Variants in TEF observed in about 807,000 individuals in gnomAD.
TEF encodes thyrotroph embryonic factor.
In TEF, 3 loss-of-function variants were observed where a neutral mutation model predicts 20.8. That is an observed-to-expected ratio of 0.14 (90% CI 0.07 to 0.37). The LOEUF (loss-of-function observed/expected upper bound fraction) is 0.37. Ranked by LOEUF, TEF falls within the 10% of genes least tolerant of loss-of-function variation. TEF has a pLI of 1.00. For missense variants in TEF, 296 were observed against 397.9 expected, an observed-to-expected ratio of 0.74 and a Z score of 2.18; for synonymous variants, 180 against 171.1, an observed-to-expected ratio of 1.05 and a Z score of -0.41.
chr22:41,386,327 G>C (rs1030068515), intron 1 of TEF, among the ~76,000 whole-genome samples: 1 of 152,290 alleles, frequency 6.6e-6, no homozygotes, highest in East Asian at 1.9e-4. Flanking sequence ...TATAATCCCA[G>C]CTACTTGGGA....
rs2037199868 is a variant in TEF, at chr22:41,394,171, A to T, written c.551A>T (p.Asn184Ile). Residue 184 changes from asparagine (N) to isoleucine (I), a missense_variant, in exon 3 of 4, where the codon AAT (asparagine) becomes ATT (isoleucine). Physicochemically the swap from Asn to Ile is moderately radical, Grantham distance 149. Transcript: ENST00000266304. ...TGTGTGGAAGTGGATGTGAACTTCA[A>T]TCCGGACCCCGCCGACCTGGTGCTC... ...PNCVEVDVNF[N>I]PDPADLVLSS... 1.2e-6 allele frequency: 2 copies of T among 1,614,036 alleles called. No individual in the cohort carries two copies. The highest frequency in any genetic ancestry group is 8.5e-7 in the Non-Finnish European group (1 of 1,180,032).
chr22:41,381,928 C>A, upstream of TEF: 2 of 1,225,626 alleles, frequency 1.6e-6, no homozygotes, highest in Non-Finnish European at 2.0e-6. Context: ...GCGGGGGCGC[C>A]ATTGGGCGCC....
At chr22:41,390,899 C>T (rs1215193427) in intron 2 of TEF, among the ~76,000 whole-genome samples, 1 of 152,106 alleles carries the variant, frequency 6.6e-6, no homozygotes, top group Non-Finnish European at 1.5e-5. Context: ...CTTTTGTTTC[C>T]TGCGGCTTTC....
At chr22:41,392,295 G>A (rs1221733603) in intron 2 of TEF, among the ~76,000 whole-genome samples, 1 of 152,088 alleles carries the variant, frequency 6.6e-6, no homozygotes, top group Non-Finnish European at 1.5e-5. Flanking sequence ...TCAAATTTTA[G>A]TTCAATTGCT....
chr22:41,374,559 A>G (rs959414698), intron 1 of TEF, among the ~76,000 whole-genome samples: 3 of 151,760 alleles, frequency 2.0e-5, no homozygotes, highest in Non-Finnish European at 4.4e-5. Context: ...CTCAAAAAAA[A>G]AAAAAAATTA....
chr22:41,397,990 G>A lies in TEF; in HGVS notation c.*2030G>A, dbSNP rs943486427. ...AGCCCGGTGGCTGGGATGGTGGCTC[G>A]ATGTGTCTCCTCTTTATCCCGCCCT... On this transcript the variant is annotated 3_prime_UTR_variant, in exon 4 of 4. Coordinates refer to ENST00000266304, the MANE Select transcript of TEF (RefSeq NM_003216.4). The A allele has an allele frequency of 3.3e-5, 5 of 152,136 alleles. No homozygotes were observed. Among genetic ancestry groups the A allele is most frequent in the African/African-American group, 9.7e-5 (4 of 41,410 alleles). The allele number at this position is 152,136 out of a possible 1,614,324, so 9.4% of individuals were successfully genotyped here.
chr22:41,382,879 T>G (rs1466560118), intron 1 of TEF: 1 of 470,814 alleles, frequency 2.1e-6, no homozygotes, highest in Non-Finnish European at 4.4e-6. Flanking sequence ...CTGAGGCCCT[T>G]CGCCTGGTTG....
upstream of TEF, among the ~76,000 whole-genome samples, chr22:41,381,770 C>T (rs1242867645): frequency 6.6e-6 from 1 of 152,064 alleles, no homozygotes; most frequent in Non-Finnish European, 1.5e-5. Flanking sequence ...CTTATCCCGG[C>T]TGCCCGACCA....
At chr22:41,371,199 A>G (rs1293607310) in intron 1 of TEF, among the ~76,000 whole-genome samples, 1 of 152,050 alleles carries the variant, frequency 6.6e-6, no homozygotes, top group Non-Finnish European at 1.5e-5. Context: ...TTTATACCCT[A>G]TACTTCCCTC....
At chr22:41,372,809 C>T (rs1176266655) in intron 1 of TEF, among the ~76,000 whole-genome samples, 1 of 152,008 alleles carries the variant, frequency 6.6e-6, no homozygotes, top group Non-Finnish European at 1.5e-5. Flanking sequence ...CAGGGAGAGG[C>T]ATTTGAACTG....
rs939453595 is a variant in TEF at position 41,396,065 on chromosome 22, G to A, written c.*105G>A. On this transcript the variant is annotated 3_prime_UTR_variant, in exon 4 of 4. Coordinates refer to ENST00000266304, the MANE Select transcript of TEF (RefSeq NM_003216.4). ...TGGAGACTTATGACTCGTCGTGGGC[G>A]CATGGCGGCGCACCTGCTGCAGGAG... 8.9e-6 allele frequency: 11 copies of A among 1,241,672 alleles called. No individual in the cohort carries two copies. Among genetic ancestry groups the A allele is most frequent in the South Asian group, 3.0e-5 (2 of 67,792 alleles). The allele number at this position is 1,241,672 out of a possible 1,614,324, so 76.9% of individuals were successfully genotyped here. A position where few individuals can be genotyped will look rare whatever the true frequency, so the allele number is the denominator to read the frequency against.
rs897999844 is a variant in TEF, at chr22:41,397,429, T to C, written c.*1469T>C. The C allele has an allele frequency of 2.0e-5, 5 of 249,978 alleles. No homozygotes were observed. The highest frequency in any genetic ancestry group is 3.0e-5 in the Non-Finnish European group (4 of 131,822). 15.5% of individuals were successfully genotyped at this position (249,978 alleles called of 1,614,324 possible). A position where few individuals can be genotyped will look rare whatever the true frequency, so the allele number is the denominator to read the frequency against. On this transcript the variant is annotated 3_prime_UTR_variant, in exon 4 of 4. Coordinates refer to ENST00000266304, the MANE Select transcript of TEF (RefSeq NM_003216.4). Reference sequence around the variant, plus strand: ...TTATTTGCTCAGGGCGGGCAGCCTATGGTGAAGAGGAGACAGAGGCGATGG... The same window carrying C: ...TTATTTGCTCAGGGCGGGCAGCCTACGGTGAAGAGGAGACAGAGGCGATGG...
intron 1 of TEF, among the ~76,000 whole-genome samples, chr22:41,384,436 T>G (rs1463006212): frequency 6.6e-6 from 1 of 152,130 alleles, no homozygotes; most frequent in Non-Finnish European, 1.5e-5. Flanking sequence ...GGAGCAGTCT[T>G]TCTTCTTCAA....
intron 2 of TEF, among the ~76,000 whole-genome samples, chr22:41,389,545 G>A (rs919841789): frequency 5.9e-5 from 9 of 152,122 alleles, no homozygotes; most frequent in African/African-American, 2.2e-4. Flanking sequence ...CTTGAACCCG[G>A]GAGGCGGAGG....
chr22:41,371,932 A>T (rs1043893879), intron 1 of TEF, among the ~76,000 whole-genome samples: 11 of 152,060 alleles, frequency 7.2e-5, no homozygotes, highest in African/African-American at 2.7e-4. Flanking sequence ...TGGTGGACTG[A>T]GGGAAATGAG....
At chr22:41,367,579 C>T (rs1216950367) in exon 1 of TEF, 1 of 1,551,440 alleles carries the variant, frequency 6.4e-7, no homozygotes. Flanking sequence ...CACTCTCTGC[C>T]TTGGCCAGAG....
intron 1 of TEF, among the ~76,000 whole-genome samples, chr22:41,371,765 G>A (rs567342631): frequency 1.3e-3 from 203 of 152,254 alleles, no homozygotes; most frequent in African/African-American, 4.6e-3. Flanking sequence ...ACACACACAC[G>A]GCTGTCTCCT....
chr22:41,396,271 C>G lies in TEF; in HGVS notation c.*311C>G. On this transcript the variant is annotated 3_prime_UTR_variant, in exon 4 of 4. Coordinates refer to ENST00000266304, the MANE Select transcript of TEF (RefSeq NM_003216.4). The stretch of plus-strand genomic sequence containing the variant: ...GGACCTCTGGAGTACACACCTCTCT[C>G]CTGGGCGCTCAGGGTCCCTGGACTC... 1 of 308,320 alleles carries G rather than the reference C, an allele frequency of 3.2e-6. No individual in the cohort carries two copies. The highest frequency in any genetic ancestry group is 6.1e-6 in the Non-Finnish European group (1 of 162,602). 19.1% of individuals were successfully genotyped at this position (308,320 alleles called of 1,614,324 possible).
upstream of TEF, among the ~76,000 whole-genome samples, chr22:41,381,084 C>T (rs545408280): frequency 2.3e-4 from 35 of 152,238 alleles, no homozygotes; most frequent in Non-Finnish European, 4.1e-4. Context: ...ATGCTCCCTC[C>T]ACGCTAGTGT....
Sources: allele counts gnomAD v4.1 joint callset (sites outside exome capture counted in the v4.1 genomes callset), GRCh38; gene constraint gnomAD v4.1.1; transcripts MANE v1.5; gene names NCBI Gene and HGNC (gene_info 2026-07-23, HGNC 2026-07-21).